Variants in SLC37A2 observed in about 807,000 individuals in gnomAD.
SLC37A2 encodes solute carrier family 37 member 2.
Under a neutral mutation model 70.7 loss-of-function variants are expected in SLC37A2, and 59 were observed. The observed-to-expected ratio is 0.83, with a 90% CI of 0.68 to 1.04. The LOEUF (loss-of-function observed/expected upper bound fraction) is 1.04. SLC37A2 is among the 50% of genes least tolerant of loss of function. SLC37A2 has a pLI of 0.00. For synonymous variants in SLC37A2, 257 were observed against 262.1 expected (o/e 0.98, Z 0.19); for missense variants, 580 against 658.1 (o/e 0.88, Z 1.30).
chr11:125,079,599 A>T (rs1591632078), intron 5 of SLC37A2, 85 bp from the exon 6 acceptor site: 2 of 1,104,768 alleles, frequency 1.8e-6, no homozygotes, highest in Admixed American at 4.4e-5. Context: ...CACGAAATTG[A>T]ACCTCCTCAG....
intron 1 of SLC37A2, among the ~76,000 whole-genome samples, chr11:125,065,141 T>C (rs978300642): frequency 4.6e-5 from 7 of 152,226 alleles, no homozygotes; most frequent in Non-Finnish European, 5.9e-5. Context: ...TCAAGGTCAA[T>C]TAAAAGCTGG....
At chr11:125,085,879 G>A (rs34947287) in intron 16 of SLC37A2, 75 bp from the exon 17 acceptor site, 33,381 of 1,429,166 alleles carry the variant, frequency 0.023, 523 homozygotes, top group Middle Eastern at 0.032. Context: ...CAGTCCACGG[G>A]TCACCCTGGT....
In SLC37A2 at chr11:125,089,883, C is replaced by T. The variant is rs567875742; in HGVS notation, c.*1749C>T. 1,191 of 162,838 alleles carry T rather than the reference C, an allele frequency of 7.3e-3. 18 individuals carry two copies. The highest frequency in any genetic ancestry group is 0.027 in the African/African-American group (1,126 of 41,712). The allele number at this position is 162,838 out of a possible 1,614,324, so 10.1% of individuals were successfully genotyped here. A position where few individuals can be genotyped will look rare whatever the true frequency, so the allele number is the denominator to read the frequency against. On this transcript the variant is annotated 3_prime_UTR_variant, in exon 18 of 18. Transcript: ENST00000403796. ...CCACCCAAGGGCTGAGGAGTGCGAG[C>T]GCACGGCGCGGGACTGGCAGGCAGC... is the stretch of plus-strand genomic sequence containing the variant.
rs1949134150 is a variant in SLC37A2 at position 125,080,468 on chromosome 11, G to A, written c.528-146G>A. ...CACCATCCAAGGTCTCCCACTCCTT[G>A]CTGACTTGGGGCTTTGGGGCTGTCT... On this transcript the variant is annotated intron_variant, in intron 6 of 17. Transcript: ENST00000403796. This position sits in a 1 kb window ranked among gnomAD's most constrained non-coding sequence, Gnocchi z 4.3. 3.0e-6 allele frequency: 2 copies of A among 665,784 alleles called. No individual in the cohort carries two copies. Among genetic ancestry groups the A allele is most frequent in the Non-Finnish European group, 4.4e-6 (2 of 451,368 alleles). The allele number at this position is 665,784 out of a possible 1,614,324, so 41.2% of individuals were successfully genotyped here.
In SLC37A2 at chr11:125,063,310, A is replaced by C; in HGVS notation, c.-58A>C. ...GCTGACAGCCAGTCCAGCCCGGGAC[A>C]CGCGCCCAGCTCTGTAGCCTCCTCC... On this transcript the variant is annotated 5_prime_UTR_variant, in exon 1 of 18. Coordinates refer to ENST00000403796, the MANE Select transcript of SLC37A2 (RefSeq NM_001145290.2). This position sits in a 1 kb window ranked among gnomAD's most constrained non-coding sequence, Gnocchi z 5.4. 6.7e-7 allele frequency: 1 copy of C among 1,492,590 alleles called. No individual in the cohort carries two copies. Among genetic ancestry groups the C allele is most frequent in the Non-Finnish European group, 9.2e-7 (1 of 1,084,132 alleles). The allele number at this position is 1,492,590 out of a possible 1,614,324, so 92.5% of individuals were successfully genotyped here.
intron 10 of SLC37A2, 129 bp downstream of exon 10, chr11:125,082,463 T>C: frequency 1.2e-6 from 1 of 807,030 alleles, no homozygotes. Context: ...GAACCTCTCC[T>C]AGAGTGAAAG....
chr11:125,085,391 CCA>C lies in SLC37A2; in HGVS notation c.1249-3_1249-2del. 6.2e-7 allele frequency: 1 copy of C among 1,613,378 alleles called. No individual in the cohort carries two copies. The highest frequency in any genetic ancestry group is 8.5e-7 in the Non-Finnish European group (1 of 1,179,694). On this transcript the variant is annotated splice_acceptor_variant and splice_polypyrimidine_tract_variant and intron_variant, in intron 14 of 17. Transcript: ENST00000403796. LOFTEE classifies it high-confidence loss of function. ...GGCTTCCCCACTCCACTGTCTCTCT[CCA>C]GGGGACTCACAAGAGCCTGAAGGGC...
chr11:125,064,031 G>A (rs947078169), intron 1 of SLC37A2, among the ~76,000 whole-genome samples: 1 of 152,236 alleles, frequency 6.6e-6, no homozygotes, highest in Non-Finnish European at 1.5e-5. Context: ...GGGACCACAT[G>A]TTGGGCTGCA....
At chr11:125,074,331 G>A (rs1949060372) in intron 1 of SLC37A2, among the ~76,000 whole-genome samples, 1 of 151,960 alleles carries the variant, frequency 6.6e-6, no homozygotes, top group Admixed American at 6.6e-5. Context: ...CTGTCTCCCT[G>A]CTGACCTGTG....
chr11:125,065,611 G>A (rs1163775073), intron 1 of SLC37A2, among the ~76,000 whole-genome samples: 1 of 152,176 alleles, frequency 6.6e-6, no homozygotes, highest in Non-Finnish European at 1.5e-5. Context: ...TTCTTGGGAG[G>A]TTTTTCTTAG....
intron 1 of SLC37A2, among the ~76,000 whole-genome samples, chr11:125,069,050 T>G (rs890970083): frequency 3.3e-5 from 5 of 152,228 alleles, no homozygotes; most frequent in Non-Finnish European, 7.3e-5. Flanking sequence ...AGGTACTACG[T>G]GTAAGGTACT....
chr11:125,088,118 G>C lies in SLC37A2; in HGVS notation c.1491-1G>C, dbSNP rs375398412. The C allele has an allele frequency of 6.4e-7, 1 of 1,551,850 alleles. No homozygotes were observed. The highest frequency in any genetic ancestry group is 8.7e-7 in the Non-Finnish European group (1 of 1,147,050). Reference sequence around the variant, plus strand: ...CTGTCCCCCCTCTCCTCTTCATGCAGGTATAAAGAAATATGAGGCCCCAAT... The same window carrying C: ...CTGTCCCCCCTCTCCTCTTCATGCACGTATAAAGAAATATGAGGCCCCAAT... On this transcript the variant is annotated splice_acceptor_variant, in intron 17 of 17. Transcript: ENST00000403796. LOFTEE classifies it high-confidence loss of function.
At chr11:125,081,363 C>T in intron 7 of SLC37A2, 58 bp from the exon 8 acceptor site, 1 of 1,549,138 alleles carries the variant, frequency 6.5e-7, no homozygotes, top group Non-Finnish European at 8.8e-7. Flanking sequence ...TGGCAATCAC[C>T]TCGGGATTGG....
Position 125,083,771 on chromosome 11 carries a change from T to A in SLC37A2, c.977-44T>A. On this transcript the variant is annotated intron_variant, in intron 10 of 17. Transcript: ENST00000403796. The surrounding 1 kb of genome is among the most constrained non-coding windows in gnomAD (Gnocchi z 4.6). ...TCTAGCTGTGACACTCCAGGATGTT[T>A]GCCCCAAACCCCAGGTCTGACCACA... 1 of 1,567,048 alleles carries A rather than the reference T, an allele frequency of 6.4e-7. No homozygotes were observed. The highest frequency in any genetic ancestry group is 8.8e-7 in the Non-Finnish European group (1 of 1,137,072).
rs747826796 is a variant in SLC37A2, at chr11:125,084,333, CG to C, written c.1125+15del. The C allele has an allele frequency of 5.0e-6, 8 of 1,613,828 alleles. No individual in the cohort carries two copies. Among genetic ancestry groups the C allele is most frequent in the Middle Eastern group, 1.6e-4 (1 of 6,082 alleles). On this transcript the variant is annotated intron_variant, in intron 12 of 17. Coordinates refer to ENST00000403796, the MANE Select transcript of SLC37A2 (RefSeq NM_001145290.2). ...GCTGCCCCCATGGTGCGTATAACCC[CG>C]AGGGTGAAGTGCGAATGCATGTGAG...
chr11:125,074,130 C>T (rs1591629175), intron 1 of SLC37A2, among the ~76,000 whole-genome samples: 3 of 152,198 alleles, frequency 2.0e-5, no homozygotes, highest in South Asian at 4.2e-4. Flanking sequence ...TTCACACCTC[C>T]GTGCCTTCGT....
chr11:125,074,124 C>T (rs1949057460), intron 1 of SLC37A2, among the ~76,000 whole-genome samples: 2 of 152,128 alleles, frequency 1.3e-5, no homozygotes, highest in South Asian at 2.1e-4. Flanking sequence ...TGTCATTTCA[C>T]ACCTCCGTGC....
chr11:125,079,534 A>T, intron 5 of SLC37A2, 150 bp from the exon 6 acceptor site: 1 of 660,224 alleles, frequency 1.5e-6, no homozygotes, highest in Non-Finnish European at 2.6e-6. Context: ...GAGGTGTGGC[A>T]TGTGTGTAAG....
Position 125,063,749 on chromosome 11 carries a change from C to A in SLC37A2, c.59+323C>A, listed in dbSNP as rs1358015902. 6.6e-6 allele frequency among the ~76,000 whole-genome samples: 1 copy of A among 152,236 alleles called. No individual in the cohort carries two copies. Among genetic ancestry groups the A allele is most frequent in the Admixed American group, 6.5e-5 (1 of 15,292 alleles). ...ACACACATCCGGGGCGCCTTCAGAG[C>A]GCCTTTCTGTCGTTGGGCAGCTGGG... On this transcript the variant is annotated intron_variant, in intron 1 of 17. Coordinates refer to ENST00000403796, the MANE Select transcript of SLC37A2 (RefSeq NM_001145290.2). The surrounding 1 kb of genome is among the most constrained non-coding windows in gnomAD (Gnocchi z 5.4).
Sources: allele counts gnomAD v4.1 joint callset (sites outside exome capture counted in the v4.1 genomes callset), GRCh38; gene constraint gnomAD v4.1.1; non-coding constraint Gnocchi (gnomAD v3.1); transcripts MANE v1.5; gene names NCBI Gene and HGNC (gene_info 2026-07-23, HGNC 2026-07-21).